Variants in GSAP observed in about 807,000 individuals in gnomAD.
GSAP encodes the protein gamma-secretase-activating protein.
A neutral mutation model predicts 131.7 loss-of-function variants in GSAP; 118 were observed. The ratio of observed to expected loss-of-function variants is 0.90; its 90% CI spans 0.77 to 1.04. The LOEUF (loss-of-function observed/expected upper bound fraction) is 1.04, where lower values mean the gene tolerates loss of function less well. Among genes scored for constraint, GSAP ranks in the 50% least tolerant of loss-of-function variants. GSAP has a pLI of 0.00. For synonymous variants in GSAP, 381 were observed against 363.4 expected, an observed-to-expected ratio of 1.05 and a Z score of -0.55; for missense variants, 1,019 against 1,013.2, an observed-to-expected ratio of 1.01 and a Z score of -0.08.
At chr7:77,378,606 T>G (rs937345073) in intron 8 of GSAP, among the ~76,000 whole-genome samples, 3 of 151,930 alleles carry the variant, frequency 2.0e-5, no homozygotes, top group African/African-American at 7.3e-5. Flanking sequence ...GTCAGAACTA[T>G]GGAACATTAA....
In GSAP at chr7:77,406,011, A is replaced by G. The variant is rs1442109448; in HGVS notation, c.186+18T>C. On this transcript the variant is annotated intron_variant, in intron 2 of 30. Coordinates refer to ENST00000257626, the MANE Select transcript of GSAP (RefSeq NM_017439.4). ...TAAATTTTACATCTTACCACAATAA[A>G]AAAGAATATAGACATACCTTATAGG... 4.6e-6 allele frequency: 4 copies of G among 874,148 alleles called. No homozygotes were observed. The highest frequency in any genetic ancestry group is 6.4e-6 in the Non-Finnish European group (4 of 622,102). The allele number at this position is 874,148 out of a possible 1,614,324, so 54.1% of individuals were successfully genotyped here.
rs1299641617 is a variant in GSAP at position 77,381,342 on chromosome 7, A to G, written c.539T>C (p.Phe180Ser). The G allele has an allele frequency of 6.5e-7, 1 of 1,531,702 alleles. No homozygotes were observed. The highest frequency in any genetic ancestry group is 1.2e-5 in the South Asian group (1 of 83,170). 94.9% of individuals were successfully genotyped at this position (1,531,702 alleles called of 1,614,324 possible). A position where few individuals can be genotyped will look rare whatever the true frequency, so the allele number is the denominator to read the frequency against. Residue 180 changes from phenylalanine to serine, a missense_variant, in exon 8 of 31, where the codon TTT becomes TCT. Physicochemically the swap from Phe to Ser is radical, Grantham distance 155. Transcript: ENST00000257626. Reference protein sequence around the residue: ...LISEEKYIEQFRIHVAQEDGN... With the variant: ...LISEEKYIEQSRIHVAQEDGN... ...ATCTTCTTGGGCGACATGGATACGA[A>G]ATTGTTCAATATCTTTAAAAGAAAA...
chr7:77,375,011 G>C, intron 11 of GSAP, 47 bp downstream of exon 11: 1 of 852,828 alleles, frequency 1.2e-6, no homozygotes, highest in Non-Finnish European at 1.9e-6. Flanking sequence ...TAATCATTTT[G>C]CCCACAAGTA....
intron 5 of GSAP, among the ~76,000 whole-genome samples, chr7:77,390,889 C>T (rs868389572): frequency 7.5e-6 from 1 of 132,816 alleles, no homozygotes; most frequent in Non-Finnish European, 1.5e-5. Context: ...GCGGAAGTTG[C>T]AGTGAGCCAA....
At chr7:77,415,045 T>C (rs932350274) in intron 1 of GSAP, among the ~76,000 whole-genome samples, 1 of 151,950 alleles carries the variant, frequency 6.6e-6, no homozygotes, top group Non-Finnish European at 1.5e-5. Context: ...AAATTCTTCC[T>C]TGACCACCCT....
intron 19 of GSAP, among the ~76,000 whole-genome samples, chr7:77,349,041 A>C (rs1792355755): frequency 6.6e-6 from 1 of 152,212 alleles, no homozygotes; most frequent in East Asian, 1.9e-4. Flanking sequence ...GATCATCTAC[A>C]AGACCTCCCC....
At chr7:77,383,577 T>G (rs1360184782) in intron 6 of GSAP, among the ~76,000 whole-genome samples, 1 of 152,148 alleles carries the variant, frequency 6.6e-6, no homozygotes, top group African/African-American at 2.4e-5. Context: ...ACCCCATTCC[T>G]CCTTCTCTGT....
intron 7 of GSAP, among the ~76,000 whole-genome samples, chr7:77,381,795 G>T (rs1200304655): frequency 6.6e-6 from 1 of 151,928 alleles, no homozygotes; most frequent in Non-Finnish European, 1.5e-5. Flanking sequence ...TTTTGGGGAA[G>T]CATTTTAATA....
intron 19 of GSAP, among the ~76,000 whole-genome samples, chr7:77,344,690 T>C (rs1205621028): frequency 6.6e-6 from 1 of 152,212 alleles, no homozygotes; most frequent in Non-Finnish European, 1.5e-5. Flanking sequence ...AGTGGATAGA[T>C]GATCTTTGCT....
At chr7:77,365,565 ATTC>A (rs1563038503) in intron 12 of GSAP, among the ~76,000 whole-genome samples, 1 of 152,102 alleles carries the variant, frequency 6.6e-6, no homozygotes, top group African/African-American at 2.4e-5. Flanking sequence ...ACATGATCTC[ATTC>A]TTTTTTATAG....
chr7:77,351,082 T>C lies in GSAP; in HGVS notation c.1492-1678A>G, dbSNP rs1479310225. 5 of 955,860 alleles carry C rather than the reference T, an allele frequency of 5.2e-6. No homozygotes were observed. In the African/African-American group the frequency reaches 7.0e-5, roughly 13 times the overall value. 59.2% of individuals were successfully genotyped at this position (955,860 alleles called of 1,614,324 possible). On this transcript the variant is annotated intron_variant, in intron 18 of 30. Transcript: ENST00000257626. ...TTAAATGACCGAGATTTTACTGATA[T>C]AGAATATTCCTGTAAAAAAGGGTAT...
chr7:77,407,578 ATTC>A (rs1410049581), intron 1 of GSAP, among the ~76,000 whole-genome samples: 1 of 152,128 alleles, frequency 6.6e-6, no homozygotes, highest in African/African-American at 2.4e-5. Flanking sequence ...TGTTTTTGCT[ATTC>A]TTTTATTAGT....
At chr7:77,316,370 C>G (rs1481684967) in intron 26 of GSAP, 3 of 152,156 alleles carry the variant, frequency 2.0e-5, no homozygotes. Flanking sequence ...GATTTTCTCT[C>G]TCTAAACACA....
At chr7:77,370,292 CA>C (rs1795932292) in intron 12 of GSAP, among the ~76,000 whole-genome samples, 1 of 152,016 alleles carries the variant, frequency 6.6e-6, no homozygotes, top group South Asian at 2.1e-4. Flanking sequence ...ACCCCGTCTC[CA>C]CTAAAAATAC....
intron 22 of GSAP, 36 bp from the exon 23 acceptor site, chr7:77,326,309 AG>A: frequency 7.1e-7 from 1 of 1,415,066 alleles, no homozygotes; most frequent in Admixed American, 1.8e-5. Context: ...GGCTCTGAGC[AG>A]TTTTCAGGAG....
chr7:77,415,649 G>A (rs950156666), intron 1 of GSAP: 1 of 152,344 alleles, frequency 6.6e-6, no homozygotes, highest in Admixed American at 6.5e-5. Flanking sequence ...CTGCCCTCTT[G>A]CGCCTCACCG....
At chr7:77,319,313 T>A (rs1249390822) in intron 26 of GSAP, among the ~76,000 whole-genome samples, 1 of 152,128 alleles carries the variant, frequency 6.6e-6, no homozygotes, top group Non-Finnish European at 1.5e-5. Flanking sequence ...ACATCACTAA[T>A]CATCAGGGAA....
rs1787599501 is a variant in GSAP at position 77,321,223 on chromosome 7, T to C, written c.1994+110A>G. On this transcript the variant is annotated intron_variant, in intron 25 of 30. Transcript: ENST00000257626. ...AGTATAGAATTAAGCTAGATGGTGT[T>C]GAAGCTGGTGAGAACTGATTTGAAC... 1.4e-5 allele frequency: 10 copies of C among 717,280 alleles called. No homozygotes were observed. The South Asian group carries it at 1.6e-4, about 11-fold the overall frequency. The allele number at this position is 717,280 out of a possible 1,614,324, so 44.4% of individuals were successfully genotyped here. A position where few individuals can be genotyped will look rare whatever the true frequency, so the allele number is the denominator to read the frequency against.
rs754797899 is a variant in GSAP at position 77,377,429 on chromosome 7, A to C, written c.577-39T>G. ...AAAAAAAAAAAAAAAAAAAGTATGAATAACTTTTAAAGGAGAACATATCTG... is the reference window on the plus strand; with the variant it reads ...AAAAAAAAAAAAAAAAAAAGTATGACTAACTTTTAAAGGAGAACATATCTG... On this transcript the variant is annotated intron_variant, in intron 8 of 30. Transcript: ENST00000257626. The C allele has an allele frequency of 2.6e-6, 4 of 1,511,226 alleles. No individual in the cohort carries two copies. In the Admixed American group the frequency reaches 8.5e-5, roughly 32 times the overall value. 93.6% of individuals were successfully genotyped at this position (1,511,226 alleles called of 1,614,324 possible). A position where few individuals can be genotyped will look rare whatever the true frequency, so the allele number is the denominator to read the frequency against.
Sources: gnomAD v4.1 joint callset for allele counts (sites outside exome capture counted in the v4.1 genomes callset) on GRCh38, gnomAD v4.1.1 for gene constraint, MANE v1.5 for transcripts, NCBI Gene and HGNC (gene_info 2026-07-23, HGNC 2026-07-21) for gene names.